Variants in LRIG2 observed in about 807,000 individuals in gnomAD.
LRIG2 encodes the protein leucine rich repeats and immunoglobulin like domains 2.
In LRIG2, 93 loss-of-function variants were observed where a neutral mutation model predicts 107.8. The observed-to-expected ratio is 0.86, with a 90% confidence interval of 0.73 to 1.03. The LOEUF (loss-of-function observed/expected upper bound fraction) is 1.03. Ranked by LOEUF, LRIG2 falls within the 50% of genes least tolerant of loss-of-function variation. LRIG2 has a pLI of 0.00. For missense variants in LRIG2, 1,226 were observed against 1,296.0 expected (o/e 0.95, Z 0.83); for synonymous variants, 471 against 470.6 (o/e 1.00, Z -0.01).
intron 11 of LRIG2, among the ~76,000 whole-genome samples, chr1:113,102,056 A>G (rs577443693): frequency 6.6e-6 from 1 of 152,138 alleles, no homozygotes; most frequent in South Asian, 2.1e-4. Context: ...GTGAGGGGAA[A>G]CTCTTTTGAA....
At chr1:113,080,541 G>A (rs1488684538) in intron 1 of LRIG2, among the ~76,000 whole-genome samples, 3 of 151,818 alleles carry the variant, frequency 2.0e-5, no homozygotes, top group Non-Finnish European at 4.4e-5. Context: ...CACCACGCCC[G>A]GCTAATTTTT....
In LRIG2 at chr1:113,114,447, C is replaced by T; in HGVS notation, c.2101C>T (p.Pro701Ser). The T allele has an allele frequency of 6.2e-7, 1 of 1,607,656 alleles. No homozygotes were observed. The highest frequency in any genetic ancestry group is 1.7e-5 in the Admixed American group (1 of 59,198). The stretch of plus-strand genomic sequence containing the variant: ...GTTAGAGACACCCTCATTTATTAGA[C>T]CCCTGGAGGATAAGACAGTAACACG... Reference protein sequence around the residue: ...TVLETPSFIRPLEDKTVTRGE... With the variant: ...TVLETPSFIRSLEDKTVTRGE... The change falls in exon 15 of 18, where the codon CCC (proline) becomes TCC (serine). Residue 701 changes from proline to serine, a missense_variant. Transcript: ENST00000361127.
At chr1:113,099,526 C>A (rs1016242940) in intron 9 of LRIG2, among the ~76,000 whole-genome samples, 11 of 152,198 alleles carry the variant, frequency 7.2e-5, no homozygotes, top group African/African-American at 2.4e-4. Flanking sequence ...AGGCATGAGC[C>A]CCCATGCCCA....
At chr1:113,097,429 T>C (rs1654114234) in intron 8 of LRIG2, among the ~76,000 whole-genome samples, 2 of 32,614 alleles carry the variant, frequency 6.1e-5, no homozygotes, top group African/African-American at 7.3e-5. Flanking sequence ...CAAGATAATT[T>C]TGTGAAGGGT....
chr1:113,107,895 G>T, intron 12 of LRIG2, 138 bp downstream of exon 12: 1 of 714,746 alleles, frequency 1.4e-6, no homozygotes, highest in South Asian at 1.9e-5. Context: ...ATGATCACAG[G>T]CATTTTAATG....
At position 113,119,452 on chromosome 1, in the gene LRIG2, A is replaced by G. The variant is rs886385433; in HGVS notation, c.2900A>G (p.Glu967Gly). 2 of 1,614,050 alleles carry G rather than the reference A, an allele frequency of 1.2e-6. No individual in the cohort carries two copies. The highest frequency in any genetic ancestry group is 1.3e-5 in the African/African-American group (1 of 74,932). ...AGCCTGATACCGTCAGCCAACAGAG[A>G]GCCATCTGCCTTTCCCACCAACCAT... ...LESLIPSANR[E>G]PSAFPTNHER... is the part of the protein sequence containing the mutation. The change falls in exon 17 of 18, where the codon GAG becomes GGG. Residue 967 changes from glutamate to glycine, a missense_variant. Transcript: ENST00000361127.
At position 113,073,662 on chromosome 1, in the gene LRIG2, G is replaced by A. The variant is rs1652817157; in HGVS notation, c.239+17G>A. The A allele has an allele frequency of 6.2e-7, 1 of 1,600,764 alleles. No individual in the cohort carries two copies. The highest frequency in any genetic ancestry group is 8.5e-7 in the Non-Finnish European group (1 of 1,173,136). On this transcript the variant is annotated intron_variant, in intron 1 of 17. Transcript: ENST00000361127. Reference sequence around the variant, plus strand: ...CGCTATCCTGTGAGTAGAGCGGCCAGGCAGAGTGACCAAAAGGAGGGGGAG... The same window carrying A: ...CGCTATCCTGTGAGTAGAGCGGCCAAGCAGAGTGACCAAAAGGAGGGGGAG...
In LRIG2 at chr1:113,114,767, C is replaced by T. The variant is rs761273726; in HGVS notation, c.2421C>T (p.Gly807=). Residue 807 remains glycine (G), a synonymous_variant, in exon 15 of 18, where the codon GGC becomes GGT. Coordinates refer to ENST00000361127, the MANE Select transcript of LRIG2 (RefSeq NM_014813.3). Reference sequence around the variant, plus strand: ...AAGATGATGGCTGGACCACAGTTGGCATTGTCATCATTGTTGTGGTCTGCT... The same window carrying T: ...AAGATGATGGCTGGACCACAGTTGGTATTGTCATCATTGTTGTGGTCTGCT... ...GHEDDGWTTV[G]IVIIVVVCCV... 1.2e-6 allele frequency: 2 copies of T among 1,614,116 alleles called. No individual in the cohort carries two copies. Among genetic ancestry groups the T allele is most frequent in the Admixed American group, 3.3e-5 (2 of 60,022 alleles).
At position 113,125,351 on chromosome 1, in the gene LRIG2, C is replaced by A. The variant is rs1655445308; in HGVS notation, c.*1250C>A. ...GTTTAAAAGTGCTAGGTGATACTCC[C>A]TTTCTAACATAAAAAGCTTGTTCTT... On this transcript the variant is annotated 3_prime_UTR_variant, in exon 18 of 18. Coordinates refer to ENST00000361127, the MANE Select transcript of LRIG2 (RefSeq NM_014813.3). 6.6e-6 allele frequency: 1 copy of A among 152,120 alleles called. No homozygotes were observed. Among genetic ancestry groups the A allele is most frequent in the South Asian group, 2.1e-4 (1 of 4,822 alleles). The allele number at this position is 152,120 out of a possible 1,614,324, so 9.4% of individuals were successfully genotyped here. A position where few individuals can be genotyped will look rare whatever the true frequency, so the allele number is the denominator to read the frequency against.
chr1:113,105,147 A>AT (rs1266982108), intron 11 of LRIG2, among the ~76,000 whole-genome samples: 4 of 152,098 alleles, frequency 2.6e-5, no homozygotes, highest in African/African-American at 9.7e-5. Context: ...CTCTGTCTCA[A>AT]AAAATAAATA....
chr1:113,083,837 A>G (rs1653399240), intron 1 of LRIG2, among the ~76,000 whole-genome samples: 1 of 108,518 alleles, frequency 9.2e-6, no homozygotes, highest in Admixed American at 1.5e-4. Context: ...GGAACATCAC[A>G]TGCCAGGGCC....
At chr1:113,073,781 T>A in intron 1 of LRIG2, 136 bp downstream of exon 1, 1 of 804,202 alleles carries the variant, frequency 1.2e-6, no homozygotes, top group East Asian at 2.7e-5. Context: ...CCGTCAGGAT[T>A]TTATGAACTT....
At position 113,130,195 on chromosome 1, in the gene LRIG2, C is replaced by T. The variant is rs192143439; in HGVS notation, c.*6094C>T. ...GCCACCGCACCCCGCAGTACTTTCC[C>T]TCGTATACAAGCTACTCTCCTGAAA... On this transcript the variant is annotated 3_prime_UTR_variant, in exon 18 of 18. Coordinates refer to ENST00000361127, the MANE Select transcript of LRIG2 (RefSeq NM_014813.3). 6.6e-6 allele frequency: 1 copy of T among 152,280 alleles called. No individual in the cohort carries two copies. The highest frequency in any genetic ancestry group is 6.5e-5 in the Admixed American group (1 of 15,286). The allele number at this position is 152,280 out of a possible 1,614,324, so 9.4% of individuals were successfully genotyped here. A position where few individuals can be genotyped will look rare whatever the true frequency, so the allele number is the denominator to read the frequency against.
chr1:113,080,391 T>C (rs1653213271), intron 1 of LRIG2, among the ~76,000 whole-genome samples: 5 of 151,300 alleles, frequency 3.3e-5, no homozygotes, highest in African/African-American at 1.2e-4. Context: ...ATTTATTTAT[T>C]TTTTTGGAGA....
chr1:113,096,234 T>C lies in LRIG2; in HGVS notation c.960T>C (p.Tyr320=), dbSNP rs940331224. ...TTCTTGTTTTCAGTGATTTGTCCTA[T>C]AACCAGCTGACCCGCCTGGATGAAT... is the stretch of plus-strand genomic sequence containing the variant. ...CQRLSELDLS[Y]NQLTRLDESA... is the part of the protein sequence containing the mutation. The change falls in exon 8 of 18, where the codon TAT becomes TAC. Residue 320 remains tyrosine (Y), a synonymous_variant. Transcript: ENST00000361127. 7 of 1,613,650 alleles carry C rather than the reference T, an allele frequency of 4.3e-6. No individual in the cohort carries two copies. Among genetic ancestry groups the C allele is most frequent in the African/African-American group, 1.3e-5 (1 of 74,930 alleles).
At chr1:113,093,586 A>G in intron 4 of LRIG2, 22 bp downstream of exon 4, 2 of 1,178,022 alleles carry the variant, frequency 1.7e-6, no homozygotes, top group Non-Finnish European at 2.3e-6. Context: ...AGATTAAATT[A>G]GATTTACTTT....
chr1:113,099,316 C>T (rs1364921710), intron 9 of LRIG2, among the ~76,000 whole-genome samples: 1 of 147,464 alleles, frequency 6.8e-6, no homozygotes, highest in Non-Finnish European at 1.5e-5. Context: ...CAGCTCACAG[C>T]AGCTTCAACC....
chr1:113,118,491 A>C (rs1435680945), intron 16 of LRIG2, among the ~76,000 whole-genome samples: 1 of 152,168 alleles, frequency 6.6e-6, no homozygotes, highest in African/African-American at 2.4e-5. Context: ...TCTCTGACTT[A>C]GTTTGCTTAA....
At chr1:113,118,849 A>G (rs1229264750) in intron 16 of LRIG2, among the ~76,000 whole-genome samples, 1 of 152,102 alleles carries the variant, frequency 6.6e-6, no homozygotes, top group Non-Finnish European at 1.5e-5. Flanking sequence ...TATTTTTAGT[A>G]GAGATGGGGT....
Sources: gnomAD v4.1 joint callset for allele counts (sites outside exome capture counted in the v4.1 genomes callset) on GRCh38, gnomAD v4.1.1 for gene constraint, MANE v1.5 for transcripts, NCBI Gene and HGNC (gene_info 2026-07-23, HGNC 2026-07-21) for gene names.